Variants in LRRC49 observed in about 807,000 individuals in gnomAD.
The protein encoded by LRRC49 is leucine rich repeat containing 49.
LRRC49 carries 50 observed loss-of-function variants against 83.3 expected under a neutral mutation model. The observed-to-expected ratio is 0.60, with a 90% CI of 0.48 to 0.76. The LOEUF is 0.76. Among genes scored for constraint, LRRC49 ranks in the 30% least tolerant of loss-of-function variants. LRRC49 has a pLI of 0.00. For missense variants in LRRC49, 704 were observed against 809.1 expected (o/e 0.87, Z 1.58); for synonymous variants, 286 against 283.3 (o/e 1.01, Z -0.10).
intron 7 of LRRC49, among the ~76,000 whole-genome samples, chr15:70,932,950 G>A (rs896204109): frequency 3.3e-5 from 5 of 151,812 alleles, no homozygotes; most frequent in African/African-American, 7.3e-5. Context: ...GGCTGGTCTC[G>A]AACTCCTGAT....
At position 70,919,088 on chromosome 15, in the gene LRRC49, G is replaced by A. The variant is rs2034905839; in HGVS notation, c.606G>A (p.Leu202=). The A allele has an allele frequency of 1.2e-6, 2 of 1,612,128 alleles. No individual in the cohort carries two copies. The stretch of plus-strand genomic sequence containing the variant: ...AAAATATTAATCATTTGTGTGAGTT[G>A]AGAGTTTTAAATCTTGCCAGGAACT... The part of the protein sequence containing the change: ...KIENINHLCE[L]RVLNLARNFL... The change falls in exon 7 of 16, where the codon TTG becomes TTA. Residue 202 remains leucine (L), a synonymous_variant. Transcript: ENST00000260382.
chr15:71,005,264 A>C (rs2038416942), intron 11 of LRRC49, among the ~76,000 whole-genome samples: 1 of 151,938 alleles, frequency 6.6e-6, no homozygotes, highest in Non-Finnish European at 1.5e-5. Context: ...TTTAAAATTG[A>C]CTTTTCCCCT....
chr15:70,872,364 C>G (rs976607038), intron 1 of LRRC49, among the ~76,000 whole-genome samples: 20 of 146,608 alleles, frequency 1.4e-4, no homozygotes, highest in South Asian at 4.4e-4. Flanking sequence ...AGCCTCGGCT[C>G]GGCATCAGAG....
At chr15:70,964,211 G>C (rs2036712001) in intron 9 of LRRC49, among the ~76,000 whole-genome samples, 1 of 152,060 alleles carries the variant, frequency 6.6e-6, no homozygotes, top group Admixed American at 6.6e-5. Flanking sequence ...ATTTTGAAAT[G>C]AATGAGTGAG....
At chr15:70,980,023 T>C in intron 9 of LRRC49, 78 bp from the exon 10 acceptor site, 2 of 852,738 alleles carry the variant, frequency 2.3e-6, no homozygotes, top group South Asian at 3.5e-5. Flanking sequence ...AAGAAAACTG[T>C]GCTTAATAGG....
intron 11 of LRRC49, among the ~76,000 whole-genome samples, chr15:70,990,589 A>T (rs1374038996): frequency 1.3e-5 from 2 of 152,156 alleles, no homozygotes; most frequent in Middle Eastern, 6.3e-3. Context: ...GCACTTCCCA[A>T]GTGAGGCAAT....
Position 70,895,862 on chromosome 15 carries a change from T to C in LRRC49, c.119T>C (p.Leu40Pro). The change falls in exon 3 of 16, where the codon CTA (leucine) becomes CCA (proline). Residue 40 changes from leucine (L) to proline (P), a missense_variant. Physicochemically the swap from Leu to Pro is moderately conservative, Grantham distance 98. Coordinates refer to ENST00000260382, the MANE Select transcript of LRRC49 (RefSeq NM_017691.5). ...AATGTTTTTCAGGTTGAATTCAAGC[T>C]AAATAAAGACACATCGTCATTCCCC... ...LPEKNKVEFK[L>P]NKDTSSFPGR... is the part of the protein sequence containing the mutation. The C allele has an allele frequency of 6.2e-7, 1 of 1,605,972 alleles. No individual in the cohort carries two copies. Among genetic ancestry groups the C allele is most frequent in the Non-Finnish European group, 8.5e-7 (1 of 1,176,854 alleles).
Position 71,052,585 on chromosome 15 carries a change from C to G in LRRC49, c.*2973C>G, listed in dbSNP as rs1025945111. On this transcript the variant is annotated 3_prime_UTR_variant, in exon 16 of 16. Transcript: ENST00000260382. Reference sequence around the variant, plus strand: ...TATTCCTGATTGGGCAAGGAATGCACTGGGATTCATATTCTCTTCAATGAG... The same window carrying G: ...TATTCCTGATTGGGCAAGGAATGCAGTGGGATTCATATTCTCTTCAATGAG... 1 of 152,204 alleles carries G rather than the reference C, an allele frequency of 6.6e-6. No homozygotes were observed. The highest frequency in any genetic ancestry group is 1.5e-5 in the Non-Finnish European group (1 of 68,040). 9.4% of individuals were successfully genotyped at this position (152,204 alleles called of 1,614,324 possible).
intron 1 of LRRC49, among the ~76,000 whole-genome samples, chr15:70,855,343 A>AG (rs1426461596): frequency 6.7e-6 from 1 of 148,818 alleles, no homozygotes; most frequent in Non-Finnish European, 1.5e-5. Flanking sequence ...TCAAAAAAAA[A>AG]AAAAAGAAAA....
chr15:70,902,681 A>G (rs2034131459), intron 4 of LRRC49: 1 of 152,184 alleles, frequency 6.6e-6, no homozygotes, highest in South Asian at 2.1e-4. Context: ...CAACCCTGAG[A>G]AGTAGTACTT....
intron 1 of LRRC49, among the ~76,000 whole-genome samples, chr15:70,872,597 A>C (rs12441133): frequency 6.6e-6 from 1 of 151,946 alleles, no homozygotes; most frequent in Non-Finnish European, 1.5e-5. Flanking sequence ...AGATGATGTC[A>C]AAGATAAAGT....
At chr15:70,859,747 C>T (rs117025503) in intron 1 of LRRC49, 33,114 of 714,102 alleles carry the variant, frequency 0.046, 1,088 homozygotes, top group Non-Finnish European at 0.059. Flanking sequence ...GGGAGCTGGC[C>T]GTTAAGGATG....
intron 14 of LRRC49, among the ~76,000 whole-genome samples, chr15:71,031,967 C>G (rs150256017): frequency 5.7e-4 from 87 of 152,286 alleles, no homozygotes; most frequent in African/African-American, 2.0e-3. Flanking sequence ...GACCACTTGG[C>G]TTCCTGGCTT....
At chr15:71,045,267 T>C (rs1353875463) in intron 15 of LRRC49, among the ~76,000 whole-genome samples, 1 of 152,192 alleles carries the variant, frequency 6.6e-6, no homozygotes, top group Non-Finnish European at 1.5e-5. Context: ...TAATAAAAAT[T>C]TCAAACATAC....
intron 6 of LRRC49, among the ~76,000 whole-genome samples, chr15:70,911,870 A>G (rs2034565022): frequency 2.0e-5 from 3 of 152,104 alleles, no homozygotes; most frequent in African/African-American, 7.2e-5. Flanking sequence ...TGCAACCCCA[A>G]TCCAAGACCT....
At chr15:70,985,884 G>A (rs2037594889) in intron 11 of LRRC49, among the ~76,000 whole-genome samples, 1 of 144,484 alleles carries the variant, frequency 6.9e-6, no homozygotes, top group Admixed American at 7.0e-5. Flanking sequence ...TATTAAATAG[G>A]GAATCCTTTC....
chr15:71,015,210 A>G (rs1200195277), intron 14 of LRRC49, among the ~76,000 whole-genome samples: 1 of 152,244 alleles, frequency 6.6e-6, no homozygotes, highest in Non-Finnish European at 1.5e-5. Flanking sequence ...GGTCAAAGTT[A>G]TAGACAACCA....
chr15:70,966,689 C>T (rs1190281212), intron 9 of LRRC49, among the ~76,000 whole-genome samples: 1 of 152,050 alleles, frequency 6.6e-6, no homozygotes, highest in East Asian at 1.9e-4. Context: ...ATTGTTTGGA[C>T]CAAACTACTT....
At chr15:70,857,162 A>G (rs957586363) in intron 1 of LRRC49, among the ~76,000 whole-genome samples, 1 of 152,210 alleles carries the variant, frequency 6.6e-6, no homozygotes, top group African/African-American at 2.4e-5. Flanking sequence ...AAGGAAGCAC[A>G]TTGACAAGCC....
Sources: allele counts gnomAD v4.1 joint callset (sites outside exome capture counted in the v4.1 genomes callset), GRCh38; gene constraint gnomAD v4.1.1; transcripts MANE v1.5; gene names NCBI Gene and HGNC (gene_info 2026-07-23, HGNC 2026-07-21).